KIF16B: variants seen among roughly 807,000 people sequenced by gnomAD.
The protein encoded by KIF16B is kinesin family member 16B.
KIF16B carries 98 observed loss-of-function variants against 156.3 expected under a neutral mutation model. That is an observed-to-expected ratio of 0.63 (90% CI 0.53 to 0.74). The LOEUF (loss-of-function observed/expected upper bound fraction) is 0.74, where lower values mean the gene tolerates loss of function less well. KIF16B is among the 30% of genes least tolerant of loss of function. KIF16B has a pLI of 0.00. For missense variants in KIF16B, 1,421 were observed against 1,606.5 expected, an observed-to-expected ratio of 0.88 and a Z score of 1.97; for synonymous variants, 564 against 583.7, an observed-to-expected ratio of 0.97 and a Z score of 0.49.
intron 9 of KIF16B, 57 bp from the exon 10 acceptor site, chr20:16,504,604 C>T: frequency 1.3e-6 from 2 of 1,505,576 alleles, no homozygotes. Context: ...CCATTTAACA[C>T]AAAGTTGGTT....
intron 1 of KIF16B, among the ~76,000 whole-genome samples, chr20:16,545,711 A>T (rs563771576): frequency 4.9e-4 from 75 of 152,160 alleles, no homozygotes; most frequent in Non-Finnish European, 7.9e-4. Context: ...GAACATAAGA[A>T]CATTCATACT....
intron 24 of KIF16B, among the ~76,000 whole-genome samples, chr20:16,328,726 G>A (rs1365780860): frequency 6.6e-6 from 1 of 152,138 alleles, no homozygotes; most frequent in Non-Finnish European, 1.5e-5. Context: ...TCTGGAGGCT[G>A]TGAAGTCCAA....
In KIF16B at chr20:16,351,131, G is replaced by A. The variant is rs530385725; in HGVS notation, c.3621+5199C>T. Among the ~76,000 whole-genome samples the A allele has an allele frequency of 3.9e-5, 6 of 152,172 alleles. No individual in the cohort carries two copies. In the South Asian group the frequency reaches 1.2e-3, roughly 32 times the overall value. ...AGATGAGACAACAAACTCTTCTGCC[G>A]ATTACTTCCAGATTTTACAAGAATA... On this transcript the variant is annotated intron_variant, in intron 23 of 25. Coordinates refer to ENST00000354981, the MANE Select transcript of KIF16B (RefSeq NM_024704.5).
chr20:16,305,922 C>T lies in KIF16B; in HGVS notation c.3795+6413G>A, dbSNP rs1160417245. On this transcript the variant is annotated intron_variant, in intron 25 of 25. Coordinates refer to ENST00000354981, the MANE Select transcript of KIF16B (RefSeq NM_024704.5). ...TTATCCATTCACCCATTAATGGATG[C>T]TTAGGTTGATTCCATATCTTGGCTT... is the stretch of plus-strand genomic sequence containing the variant. Among the ~76,000 whole-genome samples the T allele has an allele frequency of 4.6e-5, 7 of 152,106 alleles. No homozygotes were observed. The East Asian group carries it at 1.3e-3, about 29-fold the overall frequency.
intron 3 of KIF16B, among the ~76,000 whole-genome samples, chr20:16,521,363 C>A (rs903733055): frequency 6.6e-6 from 1 of 151,658 alleles, no homozygotes; most frequent in Non-Finnish European, 1.5e-5. Context: ...ACAAGAACTT[C>A]GTGAAGCACA....
intron 12 of KIF16B, among the ~76,000 whole-genome samples, chr20:16,489,272 C>T (rs2068215518): frequency 6.6e-6 from 1 of 152,074 alleles, no homozygotes; most frequent in African/African-American, 2.4e-5. Context: ...AGGGGGAGGG[C>T]CTGGTTTCTC....
At chr20:16,518,457 T>G (rs143387902) in intron 3 of KIF16B, among the ~76,000 whole-genome samples, 2 of 152,264 alleles carry the variant, frequency 1.3e-5, no homozygotes, top group East Asian at 3.9e-4. Flanking sequence ...AAGGCATCAC[T>G]GGGGCCTCAC....
intron 25 of KIF16B, among the ~76,000 whole-genome samples, chr20:16,312,132 G>A (rs947092311): frequency 8.5e-5 from 13 of 152,052 alleles, no homozygotes; most frequent in Admixed American, 3.3e-4. Context: ...AAAATGTTCC[G>A]CTAGACCAGA....
Position 16,404,794 on chromosome 20 carries a change from G to A in KIF16B, c.1784+19C>T. Reference sequence around the variant, plus strand: ...CAAAAGTGATCATCACAGGGAAGGAGATGCTGCTGTTCACTCACCCGGGGT... The same window carrying A: ...CAAAAGTGATCATCACAGGGAAGGAAATGCTGCTGTTCACTCACCCGGGGT... On this transcript the variant is annotated intron_variant, in intron 17 of 25. Transcript: ENST00000354981. The A allele has an allele frequency of 6.4e-7, 1 of 1,557,414 alleles. No individual in the cohort carries two copies. The highest frequency in any genetic ancestry group is 1.1e-5 in the South Asian group (1 of 89,788).
chr20:16,508,159 A>G, intron 6 of KIF16B, 59 bp from the exon 7 acceptor site: 1 of 1,568,792 alleles, frequency 6.4e-7, no homozygotes, highest in Non-Finnish European at 8.7e-7. Context: ...AATGGAATAC[A>G]AAATTACCCT....
intron 17 of KIF16B, chr20:16,382,100 T>C: frequency 2.2e-6 from 3 of 1,354,478 alleles, no homozygotes; most frequent in South Asian, 1.2e-5. Flanking sequence ...ATCTCTACCT[T>C]AGACAGATGG....
rs146637221 is a variant in KIF16B at position 16,493,362 on chromosome 20, T to C, written c.1302+929A>G. On this transcript the variant is annotated intron_variant, in intron 12 of 25. Transcript: ENST00000354981. ...ACAGTTGTCAGATGCAGAACTCACC[T>C]GCAAATCCAAGGCTGCAGAAGTTTA... 2.0e-5 allele frequency among the ~76,000 whole-genome samples: 3 copies of C among 152,348 alleles called. No homozygotes were observed. In the East Asian group the frequency reaches 5.8e-4, roughly 29 times the overall value.
intron 19 of KIF16B, among the ~76,000 whole-genome samples, chr20:16,378,460 G>A (rs1388073920): frequency 1.3e-5 from 2 of 152,070 alleles, no homozygotes; most frequent in East Asian, 3.9e-4. Flanking sequence ...AGATAAGAAA[G>A]AAGGAGAAAT....
chr20:16,549,405 G>A (rs970092856), intron 1 of KIF16B, among the ~76,000 whole-genome samples: 108 of 152,026 alleles, frequency 7.1e-4, no homozygotes, highest in African/African-American at 2.5e-3. Flanking sequence ...ATCCCATGGT[G>A]TATATGTGCC....
At chr20:16,384,089 G>A (rs2123467994) in intron 17 of KIF16B, among the ~76,000 whole-genome samples, 2 of 152,326 alleles carry the variant, frequency 1.3e-5, no homozygotes, top group South Asian at 4.1e-4. Flanking sequence ...AATCTCTGCT[G>A]CCAACCACTA....
At chr20:16,278,564 CA>C (rs1324912214) in intron 25 of KIF16B, among the ~76,000 whole-genome samples, 1 of 152,100 alleles carries the variant, frequency 6.6e-6, no homozygotes, top group Non-Finnish European at 1.5e-5. Flanking sequence ...TTTTGTTGCT[CA>C]GGGGCAGTGA....
chr20:16,388,603 C>G (rs1292909969), intron 17 of KIF16B, among the ~76,000 whole-genome samples: 1 of 150,648 alleles, frequency 6.6e-6, no homozygotes, highest in Non-Finnish European at 1.5e-5. Context: ...TTAAGTCCAA[C>G]AAAAAAAGCA....
chr20:16,562,863 T>C (rs2071117150), intron 1 of KIF16B, among the ~76,000 whole-genome samples: 1 of 152,212 alleles, frequency 6.6e-6, no homozygotes, highest in African/African-American at 2.4e-5. Flanking sequence ...GTTTCCCATC[T>C]ATAAGACGGA....
At position 16,374,125 on chromosome 20, in the gene KIF16B, G is replaced by T. The variant is rs1301696155; in HGVS notation, c.3350+132C>A. 8.1e-6 allele frequency: 7 copies of T among 868,594 alleles called. No individual in the cohort carries two copies. The East Asian group carries it at 2.0e-4, about 25-fold the overall frequency. 53.8% of individuals were successfully genotyped at this position (868,594 alleles called of 1,614,324 possible). ...CAGGCCAATGGCAGATGAAGGCAGA[G>T]CACATCTCAAGCACGTGTATTACTT... On this transcript the variant is annotated intron_variant, in intron 20 of 25. Coordinates refer to ENST00000354981, the MANE Select transcript of KIF16B (RefSeq NM_024704.5).
Sources: allele counts gnomAD v4.1 joint callset (sites outside exome capture counted in the v4.1 genomes callset), GRCh38; gene constraint gnomAD v4.1.1; transcripts MANE v1.5; gene names NCBI Gene and HGNC (gene_info 2026-07-23, HGNC 2026-07-21).